Variants in HECW2 observed in about 807,000 individuals in gnomAD.
The protein encoded by HECW2 is HECT, C2 and WW domain containing E3 ubiquitin protein ligase 2.
In HECW2, 61 loss-of-function variants were observed where a neutral mutation model predicts 175.2. The observed-to-expected ratio is 0.35, with a 90% CI of 0.28 to 0.43. The LOEUF is 0.43. Ranked by LOEUF, HECW2 falls within the 20% of genes least tolerant of loss-of-function variation. HECW2 has a pLI of 1.00. For missense variants in HECW2, 1,524 were observed against 2,000.5 expected (o/e 0.76, Z 4.54); for synonymous variants, 671 against 731.0 (o/e 0.92, Z 1.32).
chr2:196,457,376 T>A (rs1207172973), intron 1 of HECW2, among the ~76,000 whole-genome samples: 1 of 152,244 alleles, frequency 6.6e-6, no homozygotes, highest in Non-Finnish European at 1.5e-5. Context: ...GGAATTAGGA[T>A]GTAGATTTCT....
chr2:196,256,245 A>G (rs1689051438), intron 18 of HECW2, among the ~76,000 whole-genome samples: 1 of 152,208 alleles, frequency 6.6e-6, no homozygotes, highest in Non-Finnish European at 1.5e-5. Flanking sequence ...TAATGACATC[A>G]TTTGTATACA....
intron 1 of HECW2, among the ~76,000 whole-genome samples, chr2:196,451,808 A>C (rs371622619): frequency 2.0e-5 from 3 of 152,302 alleles, no homozygotes; most frequent in Non-Finnish European, 2.9e-5. Context: ...CTGAGGTGGG[A>C]GGATCCCTTG....
At chr2:196,203,947 T>C (rs1472434057) in intron 28 of HECW2, among the ~76,000 whole-genome samples, 2 of 152,220 alleles carry the variant, frequency 1.3e-5, no homozygotes, top group African/African-American at 4.8e-5. Context: ...GTACTTCATA[T>C]AAGTGGAATC....
chr2:196,278,501 G>C, intron 15 of HECW2, 27 bp downstream of exon 15: 1 of 1,608,448 alleles, frequency 6.2e-7, no homozygotes, highest in Non-Finnish European at 8.5e-7. Flanking sequence ...TCAACCAACA[G>C]GTCAGTCCCC....
chr2:196,583,276 A>G (rs928082478), intron 1 of HECW2, among the ~76,000 whole-genome samples: 5 of 152,178 alleles, frequency 3.3e-5, no homozygotes, highest in Non-Finnish European at 7.3e-5. Context: ...TGAAGTAGCA[A>G]AATTCCAGAT....
chr2:196,515,043 C>T (rs143629055), intron 1 of HECW2, among the ~76,000 whole-genome samples: 1,860 of 152,338 alleles, frequency 0.012, 44 homozygotes, highest in African/African-American at 0.043. Flanking sequence ...CTCTTTGGGG[C>T]TCTGCAGTTC....
chr2:196,262,825 C>G (rs1253822122), intron 17 of HECW2, among the ~76,000 whole-genome samples: 1 of 152,142 alleles, frequency 6.6e-6, no homozygotes, highest in Non-Finnish European at 1.5e-5. Context: ...CCCAAAGTAG[C>G]TGGGATTACA....
At chr2:196,492,641 T>C (rs1320412400) in intron 1 of HECW2, among the ~76,000 whole-genome samples, 1 of 152,182 alleles carries the variant, frequency 6.6e-6, no homozygotes, top group East Asian at 1.9e-4. Context: ...GAGGTGTTAA[T>C]TCAAAGATAC....
At chr2:196,283,334 C>A (rs1465300852) in intron 14 of HECW2, among the ~76,000 whole-genome samples, 1 of 151,176 alleles carries the variant, frequency 6.6e-6, no homozygotes, top group Non-Finnish European at 1.5e-5. Flanking sequence ...CCTGGTCAAC[C>A]CTAGACTGCC....
At chr2:196,577,745 T>C (rs1045762420) in intron 1 of HECW2, among the ~76,000 whole-genome samples, 1 of 152,128 alleles carries the variant, frequency 6.6e-6, no homozygotes, top group Non-Finnish European at 1.5e-5. Flanking sequence ...GATTTACTAG[T>C]CCAAGGCAAT....
intron 1 of HECW2, among the ~76,000 whole-genome samples, chr2:196,513,680 TAGTAAGAAGCCACAAA>T (rs992591584): frequency 6.6e-6 from 1 of 152,060 alleles, no homozygotes; most frequent in Non-Finnish European, 1.5e-5. Context: ...CAAATAAAGA[TAGTAAGAAGCCACAAA>T]AGTAAGATTC....
intron 5 of HECW2, among the ~76,000 whole-genome samples, chr2:196,326,279 G>A (rs373135571): frequency 1.8e-4 from 27 of 152,098 alleles, no homozygotes; most frequent in African/African-American, 4.8e-4. Context: ...CCATAGAACC[G>A]TATTCTTGAA....
intron 2 of HECW2, among the ~76,000 whole-genome samples, chr2:196,416,129 C>T (rs1210140587): frequency 6.6e-6 from 1 of 152,154 alleles, no homozygotes; most frequent in Non-Finnish European, 1.5e-5. Flanking sequence ...GCATTGGTCA[C>T]ACTGACCTTT....
chr2:196,231,089 T>A (rs1458237889), intron 21 of HECW2, among the ~76,000 whole-genome samples: 1 of 16,016 alleles, frequency 6.2e-5, no homozygotes, highest in African/African-American at 2.6e-4. Flanking sequence ...CAGGACTCCG[T>A]CTCAAAAAAA....
At chr2:196,579,229 G>T (rs886404656) in intron 1 of HECW2, among the ~76,000 whole-genome samples, 3 of 152,010 alleles carry the variant, frequency 2.0e-5, no homozygotes, top group African/African-American at 7.2e-5. Context: ...AGGAATTATG[G>T]AGTAAACACC....
At chr2:196,574,557 C>T (rs538712442) in intron 1 of HECW2, among the ~76,000 whole-genome samples, 12 of 152,176 alleles carry the variant, frequency 7.9e-5, no homozygotes, top group South Asian at 6.2e-4. Context: ...AAAAGACATC[C>T]GTGTTCATGG....
intron 2 of HECW2, among the ~76,000 whole-genome samples, chr2:196,360,781 T>C (rs1693560882): frequency 6.6e-6 from 1 of 152,222 alleles, no homozygotes; most frequent in Non-Finnish European, 1.5e-5. Context: ...GACTGCTCTC[T>C]GTGGGTCCCT....
chr2:196,224,602 C>T (rs759336204), intron 23 of HECW2, among the ~76,000 whole-genome samples: 13 of 152,054 alleles, frequency 8.5e-5, no homozygotes, highest in Non-Finnish European at 1.6e-4. Flanking sequence ...TAAATGGTGG[C>T]GGGTGTGGGT....
chr2:196,357,337 G>GT (rs1402513232), intron 2 of HECW2, among the ~76,000 whole-genome samples: 2 of 151,216 alleles, frequency 1.3e-5, no homozygotes, highest in Non-Finnish European at 2.9e-5. Context: ...TGGGCGGGGG[G>GT]GCGGCACTCA....
Sources: allele counts gnomAD v4.1 joint callset (sites outside exome capture counted in the v4.1 genomes callset), GRCh38; gene constraint gnomAD v4.1.1; transcripts MANE v1.5; gene names NCBI Gene and HGNC (gene_info 2026-07-23, HGNC 2026-07-21).